Variants in LRP1B observed in about 807,000 individuals in gnomAD.
The protein encoded by LRP1B is low-density lipoprotein receptor-related protein 1B.
A neutral mutation model predicts 556.6 loss-of-function variants in LRP1B; 217 were observed. The ratio of observed to expected loss-of-function variants is 0.39; its 90% CI spans 0.35 to 0.44. LRP1B has a LOEUF of 0.44. LRP1B is among the 20% of genes least tolerant of loss of function. The pLI is 1.00. For missense variants in LRP1B, 5,053 were observed against 5,620.8 expected (o/e 0.90, Z 3.23); for synonymous variants, 2,047 against 1,865.8 (o/e 1.10, Z -2.50).
At chr2:140,414,956 C>CT (rs1685121669) in intron 66 of LRP1B, among the ~76,000 whole-genome samples, 2 of 152,092 alleles carry the variant, frequency 1.3e-5, no homozygotes, top group Admixed American at 6.5e-5. Flanking sequence ...AATTCTTTTC[C>CT]TAGCAGGGAA....
intron 27 of LRP1B, among the ~76,000 whole-genome samples, chr2:140,856,738 T>TACAC (rs57220779): frequency 0.044 from 6,589 of 148,230 alleles, 184 homozygotes; most frequent in Non-Finnish European, 0.05. Context: ...CTAAGAGAGA[T>TACAC]ACACACACAC....
chr2:141,780,453 A>T (rs1299816787), intron 2 of LRP1B, among the ~76,000 whole-genome samples: 2 of 152,194 alleles, frequency 1.3e-5, no homozygotes, highest in Non-Finnish European at 2.9e-5. Context: ...GTATTCTATT[A>T]TTTAATTCAA....
chr2:141,281,606 G>A lies in LRP1B; in HGVS notation c.344-26965C>T, dbSNP rs192782058. 6.8e-4 allele frequency among the ~76,000 whole-genome samples: 104 copies of A among 152,122 alleles called. 1 individual carries two copies. The highest frequency in any genetic ancestry group is 2.5e-3 in the African/African-American group (102 of 41,552). On this transcript the variant is annotated intron_variant, in intron 3 of 90. Transcript: ENST00000389484. Reference sequence around the variant, plus strand: ...GTATCTCAAGCAGGTTTTTCAAATAGTAGAGAGTCAGTATATTGTTAAACT... The same window carrying A: ...GTATCTCAAGCAGGTTTTTCAAATAATAGAGAGTCAGTATATTGTTAAACT...
intron 2 of LRP1B, among the ~76,000 whole-genome samples, chr2:141,533,071 C>T (rs1351382831): frequency 6.6e-6 from 1 of 152,074 alleles, no homozygotes; most frequent in Non-Finnish European, 1.5e-5. Context: ...ATGCCTGAAC[C>T]AATTGAGCTT....
intron 2 of LRP1B, among the ~76,000 whole-genome samples, chr2:141,671,797 T>C (rs950202961): frequency 4.6e-5 from 7 of 150,938 alleles, no homozygotes; most frequent in Middle Eastern, 3.4e-3. Context: ...TCAGCAAACA[T>C]ACAAATCCTT....
intron 63 of LRP1B, among the ~76,000 whole-genome samples, chr2:140,449,077 A>G (rs1045169197): frequency 1.3e-4 from 20 of 152,184 alleles, no homozygotes; most frequent in African/African-American, 3.8e-4. Context: ...TTTCACATCA[A>G]TATGGTTCCA....
intron 4 of LRP1B, among the ~76,000 whole-genome samples, chr2:141,251,660 T>C (rs777918549): frequency 2.0e-5 from 3 of 151,796 alleles, no homozygotes; most frequent in Non-Finnish European, 2.9e-5. Flanking sequence ...TAAATATGTA[T>C]GAAAAAAGAC....
intron 3 of LRP1B, among the ~76,000 whole-genome samples, chr2:141,258,731 T>G (rs976056704): frequency 1.3e-5 from 2 of 152,058 alleles, no homozygotes; most frequent in Non-Finnish European, 2.9e-5. Context: ...AATAAGTGAG[T>G]TCTCATGAGA....
chr2:141,095,439 T>C (rs1700273475), intron 7 of LRP1B, among the ~76,000 whole-genome samples: 1 of 148,814 alleles, frequency 6.7e-6, no homozygotes, highest in Admixed American at 6.8e-5. Flanking sequence ...ATTGTCATAT[T>C]TGGACATGAT....
Position 141,963,648 on chromosome 2 carries a change from G to A in LRP1B, c.83-153247C>T, listed in dbSNP as rs1309049154. On this transcript the variant is annotated intron_variant, in intron 1 of 90. Coordinates refer to ENST00000389484, the MANE Select transcript of LRP1B (RefSeq NM_018557.3). ...CCACAGCCAACATCATACTGAATGGGCAAAAACTGGAAGCATTCCCTTTGA... is the reference window on the plus strand; with the variant it reads ...CCACAGCCAACATCATACTGAATGGACAAAAACTGGAAGCATTCCCTTTGA... Among the ~76,000 whole-genome samples, 3 of 151,232 alleles carry A rather than the reference G, an allele frequency of 2.0e-5. No homozygotes were observed. In the South Asian group the frequency reaches 6.3e-4, roughly 32 times the overall value.
intron 2 of LRP1B, among the ~76,000 whole-genome samples, chr2:141,636,640 C>T (rs953305903): frequency 2.6e-5 from 4 of 152,018 alleles, no homozygotes; most frequent in African/African-American, 9.7e-5. Flanking sequence ...AGGATGCTCA[C>T]TGCTTTGCCA....
intron 2 of LRP1B, among the ~76,000 whole-genome samples, chr2:141,549,255 C>T (rs1216925745): frequency 6.6e-6 from 1 of 152,076 alleles, no homozygotes; most frequent in East Asian, 1.9e-4. Context: ...AAATGTAAAC[C>T]TCATGACGTT....
intron 25 of LRP1B, among the ~76,000 whole-genome samples, chr2:140,874,573 C>A (rs1312762580): frequency 6.6e-6 from 1 of 151,798 alleles, no homozygotes; most frequent in Non-Finnish European, 1.5e-5. Flanking sequence ...ACTCCTATGT[C>A]ATTATTATTA....
intron 7 of LRP1B, among the ~76,000 whole-genome samples, chr2:141,140,331 A>C (rs2105053582): frequency 6.6e-6 from 1 of 152,238 alleles, no homozygotes; most frequent in African/African-American, 2.4e-5. Context: ...ATAATAATAA[A>C]AATTTTTTAA....
intron 66 of LRP1B, among the ~76,000 whole-genome samples, chr2:140,392,574 A>G (rs1186380398): frequency 6.6e-6 from 1 of 151,320 alleles, no homozygotes; most frequent in Admixed American, 6.6e-5. Context: ...TGCAACCTCT[A>G]CCTCCTGAAT....
chr2:141,049,974 T>C (rs1192426185), intron 10 of LRP1B, among the ~76,000 whole-genome samples: 3 of 151,976 alleles, frequency 2.0e-5, no homozygotes, highest in Non-Finnish European at 4.4e-5. Context: ...TTCCTTATTT[T>C]AGACTTCTAT....
At chr2:141,790,628 CCATCCTACATT>C (rs1260513279) in intron 2 of LRP1B, among the ~76,000 whole-genome samples, 1 of 151,746 alleles carries the variant, frequency 6.6e-6, no homozygotes, top group Non-Finnish European at 1.5e-5. Context: ...TCCAGCAGCA[CCATCCTACATT>C]CTCCCTCATT....
intron 41 of LRP1B, among the ~76,000 whole-genome samples, chr2:140,657,522 CTGGA>C (rs903820987): frequency 6.7e-6 from 1 of 149,290 alleles, no homozygotes; most frequent in African/African-American, 2.5e-5. Flanking sequence ...AGAGGGCTGG[CTGGA>C]TGGATGGATG....
At chr2:140,235,214 T>A (rs1280756995) in intron 89 of LRP1B, among the ~76,000 whole-genome samples, 1 of 151,178 alleles carries the variant, frequency 6.6e-6, no homozygotes, top group Non-Finnish European at 1.5e-5. Context: ...TCTTTTAAAC[T>A]CTTCAAACTG....
Sources: gnomAD v4.1 joint callset for allele counts (sites outside exome capture counted in the v4.1 genomes callset) on GRCh38, gnomAD v4.1.1 for gene constraint, MANE v1.5 for transcripts, NCBI Gene and HGNC (gene_info 2026-07-23, HGNC 2026-07-21) for gene names.